The following SMYD3 variants were observed in gnomAD, a reference collection of about 807,000 sequenced individuals.
SMYD3 encodes SET and MYND domain containing 3, also known as histone-lysine N-methyltransferase SMYD3.
A neutral mutation model predicts 57.7 loss-of-function variants in SMYD3; 36 were observed. That is an observed-to-expected ratio of 0.62 (90% confidence interval 0.48 to 0.82). The LOEUF (loss-of-function observed/expected upper bound fraction) is 0.82. Ranked by LOEUF, SMYD3 falls within the 40% of genes least tolerant of loss-of-function variation. The pLI is 0.00. For synonymous variants in SMYD3, 211 were observed against 195.0 expected (o/e 1.08, Z -0.68); for missense variants, 515 against 538.8 (o/e 0.96, Z 0.44).
At chr1:245,821,774 C>G (rs2049174214) in intron 10 of SMYD3, among the ~76,000 whole-genome samples, 1 of 152,074 alleles carries the variant, frequency 6.6e-6, no homozygotes, top group African/African-American at 2.4e-5. Flanking sequence ...GACATTTATG[C>G]AGCCAAAAGA....
chr1:245,916,257 T>C (rs76513071), intron 7 of SMYD3, among the ~76,000 whole-genome samples: 16,434 of 152,212 alleles, frequency 0.11, 1,167 homozygotes, highest in East Asian at 0.39. Flanking sequence ...CTTACACCCT[T>C]TCAGAGTAAT....
chr1:246,439,364 T>G (rs1314077883), intron 1 of SMYD3, among the ~76,000 whole-genome samples: 1 of 152,196 alleles, frequency 6.6e-6, no homozygotes, highest in African/African-American at 2.4e-5. Flanking sequence ...GTGGACTTTA[T>G]GTAAAAGCCT....
chr1:245,822,100 A>G (rs1387306156), intron 10 of SMYD3, among the ~76,000 whole-genome samples: 2 of 152,142 alleles, frequency 1.3e-5, no homozygotes, highest in South Asian at 2.1e-4. Flanking sequence ...ATGCACACGT[A>G]TGTTTATTGC....
intron 10 of SMYD3, among the ~76,000 whole-genome samples, chr1:245,853,391 G>A (rs907076853): frequency 2.0e-5 from 3 of 152,220 alleles, no homozygotes; most frequent in African/African-American, 4.8e-5. Context: ...ATTGGGAGAG[G>A]CAGACCCAAA....
intron 1 of SMYD3, among the ~76,000 whole-genome samples, chr1:246,404,680 G>T (rs10754516): frequency 0.99 from 151,075 of 152,160 alleles, 75,010 homozygotes; most frequent in Non-Finnish European, 1. Context: ...CCCTCTTTAC[G>T]TGATCTAGAC....
intron 8 of SMYD3, among the ~76,000 whole-genome samples, chr1:245,884,437 ATG>A (rs2052968636): frequency 6.6e-6 from 1 of 152,064 alleles, no homozygotes; most frequent in African/African-American, 2.4e-5. Context: ...GGTGAAATGC[ATG>A]GGGGTTTTTA....
intron 10 of SMYD3, among the ~76,000 whole-genome samples, chr1:245,775,226 G>A (rs1238625931): frequency 1.3e-5 from 2 of 152,212 alleles, no homozygotes; most frequent in South Asian, 2.1e-4. Context: ...GTACGCAGCA[G>A]GTCATTGAGA....
At chr1:245,995,353 C>T (rs536898755) in intron 5 of SMYD3, among the ~76,000 whole-genome samples, 2 of 152,322 alleles carry the variant, frequency 1.3e-5, no homozygotes, top group African/African-American at 2.4e-5. Flanking sequence ...TTGATTACGA[C>T]GTCCACCCAT....
intron 5 of SMYD3, among the ~76,000 whole-genome samples, chr1:246,048,220 T>C (rs1283993619): frequency 2.0e-5 from 3 of 152,206 alleles, no homozygotes; most frequent in Admixed American, 1.3e-4. Flanking sequence ...ATTTACCCAG[T>C]AGATTGGAAA....
At chr1:245,993,010 A>C (rs1395190565) in intron 5 of SMYD3, among the ~76,000 whole-genome samples, 2 of 152,062 alleles carry the variant, frequency 1.3e-5, no homozygotes, top group Non-Finnish European at 2.9e-5. Flanking sequence ...TCTACAATCT[A>C]TCAAGGCCTC....
At chr1:246,396,161 C>T (rs2066668251) in intron 1 of SMYD3, among the ~76,000 whole-genome samples, 1 of 152,126 alleles carries the variant, frequency 6.6e-6, no homozygotes, top group Non-Finnish European at 1.5e-5. Context: ...ATACTATTTA[C>T]TTTAGGATGG....
At chr1:246,486,571 A>T (rs1021708297) in intron 1 of SMYD3, among the ~76,000 whole-genome samples, 3 of 152,212 alleles carry the variant, frequency 2.0e-5, no homozygotes, top group Admixed American at 2.0e-4. Flanking sequence ...CCTATGACAC[A>T]GATAGGAATT....
At chr1:246,123,465 G>A (rs376378917) in intron 5 of SMYD3, among the ~76,000 whole-genome samples, 168 of 152,120 alleles carry the variant, frequency 1.1e-3, no homozygotes, top group African/African-American at 3.7e-3. Context: ...TACTCGGGCA[G>A]CTGAGGCAGG....
chr1:246,011,263 C>T (rs2059276834), intron 5 of SMYD3, among the ~76,000 whole-genome samples: 1 of 152,170 alleles, frequency 6.6e-6, no homozygotes, highest in Admixed American at 6.5e-5. Context: ...CACCACCTTC[C>T]TCCTCTCTGG....
At chr1:246,361,784 G>A (rs2065991458) in intron 1 of SMYD3, among the ~76,000 whole-genome samples, 1 of 152,116 alleles carries the variant, frequency 6.6e-6, no homozygotes, top group African/African-American at 2.4e-5. Flanking sequence ...CTGGACATCG[G>A]GGACTCAGGA....
intron 10 of SMYD3, among the ~76,000 whole-genome samples, chr1:245,812,264 T>C (rs1327488660): frequency 6.6e-6 from 1 of 152,190 alleles, no homozygotes; most frequent in Non-Finnish European, 1.5e-5. Flanking sequence ...CCTCTGAGTG[T>C]ATGAACTGCT....
chr1:246,309,427 T>C (rs1320904446), intron 5 of SMYD3, among the ~76,000 whole-genome samples: 1 of 152,138 alleles, frequency 6.6e-6, no homozygotes, highest in East Asian at 1.9e-4. Context: ...AAAACTCCAA[T>C]ACATCAAACA....
At chr1:245,766,400 TAAAA>T (rs35500837) in intron 10 of SMYD3, among the ~76,000 whole-genome samples, 10,520 of 101,570 alleles carry the variant, frequency 0.1, 578 homozygotes, top group East Asian at 0.35. Context: ...GACTCTGTCT[TAAAA>T]AAAAAAAAAA....
At chr1:246,479,497 G>T (rs919865183) in intron 1 of SMYD3, among the ~76,000 whole-genome samples, 1 of 139,856 alleles carries the variant, frequency 7.2e-6, no homozygotes, top group Non-Finnish European at 1.5e-5. Context: ...GTGTCAAAAA[G>T]CGGGATTTTT....
Sources: gnomAD v4.1 joint callset for allele counts (sites outside exome capture counted in the v4.1 genomes callset) on GRCh38, gnomAD v4.1.1 for gene constraint, MANE v1.5 for transcripts, NCBI Gene and HGNC (gene_info 2026-07-23, HGNC 2026-07-21) for gene names.